GPAT3: variants seen among roughly 807,000 people sequenced by gnomAD.
The protein encoded by GPAT3 is glycerol-3-phosphate acyltransferase 3, also known as 1-AGP acyltransferase 9.
A neutral mutation model predicts 58.8 loss-of-function variants in GPAT3; 53 were observed. The ratio of observed to expected loss-of-function variants is 0.90; its 90% CI spans 0.72 to 1.13. The LOEUF is 1.13. GPAT3 is among the 50% of genes most tolerant of loss of function. The pLI is 0.00. For synonymous variants in GPAT3, 197 were observed against 187.4 expected (o/e 1.05, Z -0.42); for missense variants, 511 against 527.6 (o/e 0.97, Z 0.31).
At chr4:83,565,706 C>T (rs1257281801) in intron 2 of GPAT3, among the ~76,000 whole-genome samples, 3 of 152,074 alleles carry the variant, frequency 2.0e-5, no homozygotes, top group African/African-American at 4.8e-5. Flanking sequence ...CGGTGGGTAC[C>T]CCGAGTCCGG....
At chr4:83,570,464 GA>G (rs1328056928) in intron 2 of GPAT3, among the ~76,000 whole-genome samples, 2 of 150,074 alleles carry the variant, frequency 1.3e-5, no homozygotes, top group Admixed American at 1.3e-4. Context: ...AGAAATTTGG[GA>G]GAACTCTTTT....
chr4:83,562,214 T>TATATATATAAA (rs369889638), intron 2 of GPAT3, among the ~76,000 whole-genome samples: 17 of 77,124 alleles, frequency 2.2e-4, no homozygotes, highest in Non-Finnish European at 3.3e-4. Flanking sequence ...ATATATATTA[T>TATATATATAAA]ATATATATAT....
intron 2 of GPAT3, among the ~76,000 whole-genome samples, chr4:83,562,235 T>TA (rs368482713): frequency 1.3e-5 from 1 of 74,574 alleles, no homozygotes; most frequent in Non-Finnish European, 2.6e-5. Context: ...AATATATATA[T>TA]AATATATATA....
intron 3 of GPAT3, among the ~76,000 whole-genome samples, chr4:83,583,216 C>A (rs1726227677): frequency 6.6e-6 from 1 of 152,024 alleles, no homozygotes; most frequent in Non-Finnish European, 1.5e-5. Flanking sequence ...ATCGCTTGAA[C>A]CTGGGAGGCA....
chr4:83,563,998 A>T (rs1688150761), intron 2 of GPAT3, among the ~76,000 whole-genome samples: 2 of 152,242 alleles, frequency 1.3e-5, no homozygotes, highest in African/African-American at 4.8e-5. Context: ...TTAAAAAATG[A>T]TGCTGAAGTA....
intron 2 of GPAT3, among the ~76,000 whole-genome samples, chr4:83,566,419 T>TTAATTTATTATTA (rs141548038): frequency 7.0e-6 from 1 of 143,594 alleles, no homozygotes; most frequent in African/African-American, 2.6e-5. Context: ...AATTAATTAA[T>TTAATTTATTATTA]TTATTATTAT....
rs977882878 is a variant in GPAT3 at position 83,536,368 on chromosome 4, C to T, written c.-255C>T. 3.3e-6 allele frequency: 4 copies of T among 1,230,274 alleles called. No homozygotes were observed. Among genetic ancestry groups the T allele is most frequent in the African/African-American group, 1.6e-5 (1 of 64,266 alleles). The allele number at this position is 1,230,274 out of a possible 1,614,324, so 76.2% of individuals were successfully genotyped here. ...TCGCGCTACCCAGGTCTCCGCACGC[C>T]GCGGTGGCTTCAGCCCAGACCTGGG... On this transcript the variant is annotated 5_prime_UTR_variant, in exon 1 of 12. Transcript: ENST00000264409.
chr4:83,596,400 C>T lies in GPAT3; in HGVS notation c.855-458C>T, dbSNP rs565842369. Among the ~76,000 whole-genome samples, 180 of 152,188 alleles carry T rather than the reference C, an allele frequency of 1.2e-3. 4 individuals carry two copies. The highest frequency in any genetic ancestry group is 4.1e-3 in the African/African-American group (172 of 41,550). ...CTTGGGGAGGTTGAGGCGGGTGGAT[C>T]GCTTGAGCTCAGGAGTTCGAGACCA... is the stretch of plus-strand genomic sequence containing the variant. On this transcript the variant is annotated intron_variant, in intron 7 of 11. Coordinates refer to ENST00000264409, the MANE Select transcript of GPAT3 (RefSeq NM_032717.5).
Position 83,588,261 on chromosome 4 carries a change from T to C in GPAT3, c.606T>C (p.Cys202=), listed in dbSNP as rs987431535. ...ELVHLTCCRI[C]VRALSGTIHY... ...TCCATCTGACTTGCTGCCGGATCTGTGTGCGAGCCCTCTCTGGTACCATTC... is the reference window on the plus strand; with the variant it reads ...TCCATCTGACTTGCTGCCGGATCTGCGTGCGAGCCCTCTCTGGTACCATTC... Residue 202 remains cysteine, a synonymous_variant, in exon 5 of 12, where the codon TGT becomes TGC. Coordinates refer to ENST00000264409, the MANE Select transcript of GPAT3 (RefSeq NM_032717.5). 4 of 1,613,994 alleles carry C rather than the reference T, an allele frequency of 2.5e-6. No homozygotes were observed. The highest frequency in any genetic ancestry group is 3.4e-6 in the Non-Finnish European group (4 of 1,179,932).
chr4:83,539,407 A>G (rs904711002), intron 1 of GPAT3, among the ~76,000 whole-genome samples: 4 of 152,214 alleles, frequency 2.6e-5, no homozygotes, highest in African/African-American at 9.7e-5. Context: ...TAATTTATGT[A>G]CCATTTAAAA....
intron 7 of GPAT3, 60 bp from the exon 8 acceptor site, chr4:83,596,798 A>T: frequency 7.4e-7 from 1 of 1,355,206 alleles, no homozygotes; most frequent in Non-Finnish European, 1.1e-6. Context: ...AGGAATATCA[A>T]AAAGGACATC....
chr4:83,597,385 A>G (rs766207528), intron 8 of GPAT3, 45 bp from the exon 9 acceptor site: 3 of 998,006 alleles, frequency 3.0e-6, no homozygotes, highest in Non-Finnish European at 4.3e-6. Flanking sequence ...TTTTAAAATG[A>G]CTGCCTTTAA....
chr4:83,561,682 G>T (rs1725130465), intron 2 of GPAT3, among the ~76,000 whole-genome samples: 1 of 151,986 alleles, frequency 6.6e-6, no homozygotes, highest in Non-Finnish European at 1.5e-5. Flanking sequence ...AAAAGTATAA[G>T]CCCAACTGTG....
Position 83,596,914 on chromosome 4 carries a change from G to GT in GPAT3, c.910+2dup. On this transcript the variant is annotated splice_donor_variant, in intron 8 of 11. Transcript: ENST00000264409. LOFTEE classifies it high-confidence loss of function. ...CTACCCATACTAATTTTTCCTGAAG[G>GT]TAAGAATGGGCCTGCCTCCCGAGCT... 6.2e-7 allele frequency: 1 copy of GT among 1,601,834 alleles called. No homozygotes were observed. The highest frequency in any genetic ancestry group is 8.5e-7 in the Non-Finnish European group (1 of 1,175,990).
At chr4:83,543,864 CT>C (rs771458744) in intron 1 of GPAT3, among the ~76,000 whole-genome samples, 2 of 152,162 alleles carry the variant, frequency 1.3e-5, no homozygotes, top group African/African-American at 2.4e-5. Context: ...TAGTCTTGAA[CT>C]CCTGACCTCA....
Position 83,581,842 on chromosome 4 carries a change from A to G in GPAT3, c.479+10A>G, listed in dbSNP as rs748642491. On this transcript the variant is annotated intron_variant, in intron 3 of 11. Transcript: ENST00000264409. ...TCCTACTGCCTCTGAGGTAAGTCAT[A>G]TGCCTGGTAATTTGATGATACGCTT... The G allele has an allele frequency of 1.6e-5, 25 of 1,593,020 alleles. No homozygotes were observed. In the Middle Eastern group the frequency reaches 5.1e-4, roughly 32 times the overall value.
chr4:83,557,325 A>C (rs1239665942), intron 2 of GPAT3, among the ~76,000 whole-genome samples: 1 of 152,190 alleles, frequency 6.6e-6, no homozygotes, highest in Non-Finnish European at 1.5e-5. Context: ...ATTCTATTCT[A>C]ATCCCAAATA....
intron 2 of GPAT3, among the ~76,000 whole-genome samples, chr4:83,549,441 T>TTGCG (rs1297617928): frequency 1.6e-5 from 2 of 122,194 alleles, no homozygotes; most frequent in African/African-American, 6.6e-5. Context: ...CTTTTTTATT[T>TTGCG]TGCGTGTGTG....
rs1489211665 is a variant in GPAT3 at position 83,578,967 on chromosome 4, T to TCTTG, written c.209-2592_209-2591insGCTT. ...CTTTTCTTTTCTTTCTTTCTTTCTT[T>TCTTG]CTTTCTTTCTTTCTTTCTTTCCTTC... is the stretch of plus-strand genomic sequence containing the variant. On this transcript the variant is annotated intron_variant, in intron 2 of 11. Coordinates refer to ENST00000264409, the MANE Select transcript of GPAT3 (RefSeq NM_032717.5). Among the ~76,000 whole-genome samples the TCTTG allele has an allele frequency of 7.5e-4, 94 of 126,134 alleles. 1 individual carries two copies. The highest frequency in any genetic ancestry group is 3.1e-3 in the African/African-American group (91 of 29,546). 82.7% of individuals were successfully genotyped at this position (126,134 alleles called of 152,430 possible). A position where few individuals can be genotyped will look rare whatever the true frequency, so the allele number is the denominator to read the frequency against.
Sources: allele counts gnomAD v4.1 joint callset (sites outside exome capture counted in the v4.1 genomes callset), GRCh38; gene constraint gnomAD v4.1.1; transcripts MANE v1.5; gene names NCBI Gene and HGNC (gene_info 2026-07-23, HGNC 2026-07-21).